METAP1: variants seen among roughly 807,000 people sequenced by gnomAD.
METAP1 encodes the protein methionine aminopeptidase 1.
METAP1 carries 28 observed loss-of-function variants against 53.8 expected under a neutral mutation model. The ratio of observed to expected loss-of-function variants is 0.52; its 90% CI spans 0.39 to 0.71. The LOEUF (loss-of-function observed/expected upper bound fraction) is 0.71, where lower values mean the gene tolerates loss of function less well. Ranked by LOEUF, METAP1 falls within the 30% of genes least tolerant of loss-of-function variation. The pLI, the probability that METAP1 is intolerant of heterozygous loss-of-function variation, is 0.00. For synonymous variants in METAP1, 181 were observed against 165.7 expected (o/e 1.09, Z -0.71); for missense variants, 389 against 479.8 (o/e 0.81, Z 1.77).
chr4:99,023,488 G>T (rs1358373607), intron 1 of METAP1: 1 of 985,142 alleles, frequency 1.0e-6, no homozygotes, highest in Non-Finnish European at 1.2e-6. Context: ...TTCTAACATT[G>T]TATGGTGTGC....
chr4:99,028,943 AC>A, intron 2 of METAP1, 25 bp downstream of exon 2: 1 of 1,486,572 alleles, frequency 6.7e-7, no homozygotes, highest in Non-Finnish European at 9.1e-7. Flanking sequence ...AAATTTTTAC[AC>A]CATTTGTCTT....
intron 1 of METAP1, among the ~76,000 whole-genome samples, chr4:99,025,974 C>G (rs1299835448): frequency 1.3e-5 from 2 of 152,198 alleles, no homozygotes; most frequent in African/African-American, 2.4e-5. Flanking sequence ...TGGAAGGCTC[C>G]TTCCCCACTT....
At chr4:99,023,008 C>A in intron 1 of METAP1, 1 of 1,460,598 alleles carries the variant, frequency 6.8e-7, no homozygotes, top group East Asian at 2.8e-5. Context: ...TGGCACTACC[C>A]GCTTCTTGCT....
intron 4 of METAP1, among the ~76,000 whole-genome samples, chr4:99,036,830 A>G (rs1725457257): frequency 6.6e-6 from 1 of 152,050 alleles, no homozygotes; most frequent in Non-Finnish European, 1.5e-5. Flanking sequence ...TCCATGTGTC[A>G]AAGTATTTCT....
At chr4:99,053,636 ATC>A (rs993957330) in intron 9 of METAP1, among the ~76,000 whole-genome samples, 1 of 152,194 alleles carries the variant, frequency 6.6e-6, no homozygotes, top group Non-Finnish European at 1.5e-5. Flanking sequence ...CATCAGAGGA[ATC>A]ACTATCTACG....
chr4:98,998,462 G>T (rs1162325488), intron 1 of METAP1, among the ~76,000 whole-genome samples: 1 of 152,204 alleles, frequency 6.6e-6, no homozygotes, highest in East Asian at 1.9e-4. Context: ...GGTGGAGGTT[G>T]CAGTGAGCCG....
intron 8 of METAP1, among the ~76,000 whole-genome samples, chr4:99,047,041 C>T (rs756523846): frequency 1.3e-5 from 2 of 151,584 alleles, no homozygotes; most frequent in Non-Finnish European, 2.9e-5. Flanking sequence ...TAACAGTAGC[C>T]AGGAAGGAAC....
At chr4:99,014,551 A>G (rs767460247) in intron 1 of METAP1, among the ~76,000 whole-genome samples, 4 of 152,282 alleles carry the variant, frequency 2.6e-5, no homozygotes, top group East Asian at 1.9e-4. Context: ...TCTAGCAGCT[A>G]TCTGATCTCT....
chr4:99,013,612 G>C (rs1723594904), intron 1 of METAP1, among the ~76,000 whole-genome samples: 2 of 152,206 alleles, frequency 1.3e-5, no homozygotes, highest in South Asian at 4.1e-4. Flanking sequence ...CTATGGCTGT[G>C]TCCCGTTCCC....
intron 1 of METAP1, among the ~76,000 whole-genome samples, 183 bp downstream of exon 1, chr4:98,996,050 C>G (rs1389251305): frequency 6.6e-6 from 1 of 152,148 alleles, no homozygotes; most frequent in Non-Finnish European, 1.5e-5. Context: ...GTCCCTGGGT[C>G]CTCGGGAACC....
At chr4:99,057,019 C>T (rs1727190281) in intron 9 of METAP1, among the ~76,000 whole-genome samples, 1 of 152,074 alleles carries the variant, frequency 6.6e-6, no homozygotes. Flanking sequence ...GTGCACGCCA[C>T]CACACCTGGC....
In METAP1 at chr4:99,001,379, GAAAAA is replaced by G. The variant is rs1722918482; in HGVS notation, c.114+5513_114+5517del. 2.0e-5 allele frequency among the ~76,000 whole-genome samples: 3 copies of G among 152,152 alleles called. No homozygotes were observed. The South Asian group carries it at 6.2e-4, about 31-fold the overall frequency. Reference sequence around the variant, plus strand: ...ATAATTTCATAAATTGTTTATTGTAGAAAAATAGAAAATATGTGTGAAGATAATCA... The same window carrying G: ...ATAATTTCATAAATTGTTTATTGTAGTAGAAAATATGTGTGAAGATAATCA... On this transcript the variant is annotated intron_variant, in intron 1 of 10. Transcript: ENST00000296411.
At chr4:99,015,334 G>T (rs1339879302) in intron 1 of METAP1, among the ~76,000 whole-genome samples, 1 of 152,176 alleles carries the variant, frequency 6.6e-6, no homozygotes, top group Non-Finnish European at 1.5e-5. Flanking sequence ...ACTGGGGTTG[G>T]AGAAGGGAAA....
chr4:99,001,617 G>A (rs769495890), intron 1 of METAP1, among the ~76,000 whole-genome samples: 2 of 152,164 alleles, frequency 1.3e-5, no homozygotes, highest in Non-Finnish European at 2.9e-5. Context: ...CCTTTATAAA[G>A]ACTGTTATGG....
chr4:99,001,495 A>G (rs1453046905), intron 1 of METAP1, among the ~76,000 whole-genome samples: 1 of 152,214 alleles, frequency 6.6e-6, no homozygotes, highest in African/African-American at 2.4e-5. Flanking sequence ...ACAGTTGTGT[A>G]TGTTTTTACA....
At chr4:99,029,068 G>T in intron 2 of METAP1, 150 bp downstream of exon 2, 1 of 540,214 alleles carries the variant, frequency 1.9e-6, no homozygotes, top group South Asian at 3.2e-5. Flanking sequence ...TTAAATTTTT[G>T]TGATATGTAA....
At chr4:99,039,499 T>A (rs1424328524) in intron 5 of METAP1, 34 bp downstream of exon 5, 1 of 1,313,558 alleles carries the variant, frequency 7.6e-7, no homozygotes. Flanking sequence ...GGGTAGGAAA[T>A]GTTTAAGCAG....
chr4:99,041,626 CATT>C (rs1339220158), intron 6 of METAP1, among the ~76,000 whole-genome samples: 2 of 151,728 alleles, frequency 1.3e-5, no homozygotes, highest in African/African-American at 2.4e-5. Flanking sequence ...TGAGTGTACA[CATT>C]ATATGAATTT....
At chr4:99,031,560 T>C (rs1725030181) in intron 2 of METAP1, 11 of 1,288,692 alleles carry the variant, frequency 8.5e-6, no homozygotes, top group Non-Finnish European at 1.0e-5. Context: ...TTTGTGACCA[T>C]GGGTTATTCT....
Sources: allele counts gnomAD v4.1 joint callset (sites outside exome capture counted in the v4.1 genomes callset), GRCh38; gene constraint gnomAD v4.1.1; transcripts MANE v1.5; gene names NCBI Gene and HGNC (gene_info 2026-07-23, HGNC 2026-07-21).